Variants in ITPR1 observed in about 807,000 individuals in gnomAD.
ITPR1 encodes inositol 1,4,5-trisphosphate-gated calcium channel ITPR1.
Under a neutral mutation model 318.4 loss-of-function variants are expected in ITPR1, and 96 were observed. That is an observed-to-expected ratio of 0.30 (90% CI 0.26 to 0.36). The LOEUF is 0.36. Ranked by LOEUF, ITPR1 falls within the 10% of genes least tolerant of loss-of-function variation. ITPR1 has a pLI of 1.00. For missense variants in ITPR1, 2,440 were observed against 3,460.2 expected, an observed-to-expected ratio of 0.71 and a Z score of 7.40; for synonymous variants, 1,312 against 1,289.9, an observed-to-expected ratio of 1.02 and a Z score of -0.37.
chr3:4,788,640 A>G (rs1242137529), intron 52 of ITPR1, among the ~76,000 whole-genome samples: 1 of 152,250 alleles, frequency 6.6e-6, no homozygotes, highest in African/African-American at 2.4e-5. Flanking sequence ...ATTGCTCACC[A>G]GCGAGTCCCA....
At chr3:4,739,462 AC>A (rs2043538980) in intron 44 of ITPR1, among the ~76,000 whole-genome samples, 2 of 152,158 alleles carry the variant, frequency 1.3e-5, no homozygotes, top group South Asian at 4.1e-4. Flanking sequence ...AGAAATGTAT[AC>A]AGTCTGCCCT....
intron 4 of ITPR1, among the ~76,000 whole-genome samples, chr3:4,621,855 T>G (rs1054760717): frequency 6.6e-6 from 1 of 152,200 alleles, no homozygotes; most frequent in Non-Finnish European, 1.5e-5. Flanking sequence ...TCCTTTCTCC[T>G]CCTGCAACTC....
chr3:4,555,597 A>G (rs1575517824), intron 4 of ITPR1, among the ~76,000 whole-genome samples: 1 of 152,238 alleles, frequency 6.6e-6, no homozygotes, highest in South Asian at 2.1e-4. Context: ...TTATGAAGCC[A>G]TGAAAAGACA....
chr3:4,533,499 A>G (rs1223428814), intron 4 of ITPR1, among the ~76,000 whole-genome samples: 1 of 152,246 alleles, frequency 6.6e-6, no homozygotes, highest in African/African-American at 2.4e-5. Flanking sequence ...CATGTGTAAC[A>G]CAGTAAATAC....
Position 4,658,283 on chromosome 3 carries a change from C to T in ITPR1, c.1151+5C>T. On this transcript the variant is annotated splice_donor_5th_base_variant and intron_variant, in intron 13 of 61. Transcript: ENST00000649015. ...AGGTGACAGCCTTGTCCCAAGGTAT[C>T]ATTTTAAAATTGCTTTTCCCCAAAG... is the stretch of plus-strand genomic sequence containing the variant. The T allele has an allele frequency of 6.2e-7, 1 of 1,600,720 alleles. No individual in the cohort carries two copies. The highest frequency in any genetic ancestry group is 8.5e-7 in the Non-Finnish European group (1 of 1,170,460).
chr3:4,837,677 T>C (rs1373750901), intron 61 of ITPR1, among the ~76,000 whole-genome samples: 3 of 152,014 alleles, frequency 2.0e-5, no homozygotes, highest in Non-Finnish European at 4.4e-5. Flanking sequence ...GGGGACATGT[T>C]TATACAAAAC....
At chr3:4,698,108 A>AG (rs2094588179) in intron 34 of ITPR1, among the ~76,000 whole-genome samples, 1 of 158 alleles carries the variant, frequency 6.3e-3, no homozygotes, top group African/African-American at 0.019. Flanking sequence ...GCCACATAAC[A>AG]AGCATACCAC....
intron 46 of ITPR1, among the ~76,000 whole-genome samples, chr3:4,773,062 G>T (rs78614039): frequency 6.6e-6 from 1 of 152,262 alleles, no homozygotes; most frequent in Non-Finnish European, 1.5e-5. Flanking sequence ...GGCACCCAGC[G>T]CTGTCAACGT....
chr3:4,568,243 T>A (rs747868955), intron 4 of ITPR1, among the ~76,000 whole-genome samples: 1 of 152,228 alleles, frequency 6.6e-6, no homozygotes, highest in African/African-American at 2.4e-5. Flanking sequence ...TGATGGGAAC[T>A]GAGACAAAGT....
chr3:4,567,130 T>C (rs970715074), intron 4 of ITPR1, among the ~76,000 whole-genome samples: 2 of 152,184 alleles, frequency 1.3e-5, no homozygotes, highest in African/African-American at 2.4e-5. Context: ...CAAGTTGATA[T>C]GTGGAAAGCT....
intron 44 of ITPR1, among the ~76,000 whole-genome samples, chr3:4,756,100 T>C (rs1310051768): frequency 1.3e-5 from 2 of 152,194 alleles, no homozygotes; most frequent in Admixed American, 6.5e-5. Flanking sequence ...GTACTCACTA[T>C]TAGGCCCTTT....
Position 4,776,122 on chromosome 3 carries a change from A to C in ITPR1, c.6180+680A>C, listed in dbSNP as rs556250565. On this transcript the variant is annotated intron_variant, in intron 47 of 61. Coordinates refer to ENST00000649015, the MANE Select transcript of ITPR1 (RefSeq NM_001378452.1). Reference sequence around the variant, plus strand: ...GAGACGGAGTCTCACTCTGTTGCCCAGGCTGGAGTGCAGTGGTGCAATCTC... The same window carrying C: ...GAGACGGAGTCTCACTCTGTTGCCCCGGCTGGAGTGCAGTGGTGCAATCTC... Among the ~76,000 whole-genome samples, 18 of 152,352 alleles carry C rather than the reference A, an allele frequency of 1.2e-4. 1 individual carries two copies. In the South Asian group the frequency reaches 1.9e-3, roughly 16 times the overall value.
At chr3:4,774,284 G>A (rs778427735) in intron 46 of ITPR1, among the ~76,000 whole-genome samples, 10 of 152,146 alleles carry the variant, frequency 6.6e-5, no homozygotes, top group East Asian at 3.8e-4. Context: ...CAATTGGTGC[G>A]CAATTAGGTT....
intron 4 of ITPR1, among the ~76,000 whole-genome samples, chr3:4,573,089 C>A (rs1279747191): frequency 1.3e-5 from 2 of 152,192 alleles, no homozygotes; most frequent in East Asian, 1.9e-4. Flanking sequence ...CTTTTAATTT[C>A]TTTGGCTATA....
At chr3:4,713,506 C>A in intron 39 of ITPR1, among the ~76,000 whole-genome samples, 1 of 152,282 alleles carries the variant, frequency 6.6e-6, no homozygotes. Flanking sequence ...TATTGCCTGG[C>A]GGACAAGTAT....
intron 4 of ITPR1, among the ~76,000 whole-genome samples, chr3:4,551,087 G>C (rs930033646): frequency 6.6e-6 from 1 of 152,152 alleles, no homozygotes; most frequent in African/African-American, 2.4e-5. Flanking sequence ...ATGTATTTGA[G>C]GGGACAGCAA....
intron 44 of ITPR1, among the ~76,000 whole-genome samples, chr3:4,762,775 T>A (rs903695705): frequency 2.6e-5 from 4 of 152,244 alleles, no homozygotes; most frequent in African/African-American, 9.6e-5. Flanking sequence ...ACCTTCCCAG[T>A]GTGGCAATTC....
intron 55 of ITPR1, among the ~76,000 whole-genome samples, chr3:4,811,048 CTA>C (rs748250254): frequency 1.2e-4 from 19 of 152,192 alleles, no homozygotes; most frequent in Non-Finnish European, 2.4e-4. Context: ...CTTGAAGTTG[CTA>C]TTGTTTCCTG....
chr3:4,681,465 A>G (rs761444296), intron 26 of ITPR1, 47 bp downstream of exon 26: 6 of 1,230,110 alleles, frequency 4.9e-6, no homozygotes, highest in African/African-American at 1.5e-5. Flanking sequence ...CTGCTCTTCC[A>G]GAGCTCTCAG....
Sources: allele counts gnomAD v4.1 joint callset (sites outside exome capture counted in the v4.1 genomes callset), GRCh38; gene constraint gnomAD v4.1.1; transcripts MANE v1.5; gene names NCBI Gene and HGNC (gene_info 2026-07-23, HGNC 2026-07-21).